KIF18B: variants seen among roughly 807,000 people sequenced by gnomAD.
KIF18B encodes kinesin-like protein KIF18B.
KIF18B carries 49 observed loss-of-function variants against 80.9 expected under a neutral mutation model. The ratio of observed to expected loss-of-function variants is 0.61; its 90% CI spans 0.48 to 0.77. The LOEUF is 0.77. Among genes scored for constraint, KIF18B ranks in the 30% least tolerant of loss-of-function variants. KIF18B has a pLI of 0.00. For missense variants in KIF18B, 994 were observed against 1,127.7 expected (o/e 0.88, Z 1.70); for synonymous variants, 439 against 463.9 (o/e 0.95, Z 0.69).
chr17:44,939,876 G>C (rs577718518), intron 1 of KIF18B, among the ~76,000 whole-genome samples: 1 of 152,130 alleles, frequency 6.6e-6, no homozygotes, highest in South Asian at 2.1e-4. Flanking sequence ...GCAGTGGCAC[G>C]ATCTTGGCTC....
intron 1 of KIF18B, among the ~76,000 whole-genome samples, chr17:44,938,934 C>T (rs2052362232): frequency 6.6e-6 from 1 of 151,830 alleles, no homozygotes; most frequent in South Asian, 2.1e-4. Flanking sequence ...GTCCCAGCTA[C>T]TTGGGAGGCT....
rs1041689444 is a variant in KIF18B at position 44,938,915 on chromosome 17, G to A, written c.-14-2557C>T. 1.1e-4 allele frequency among the ~76,000 whole-genome samples: 17 copies of A among 151,960 alleles called. No homozygotes were observed. The South Asian group carries it at 1.2e-3, about 11-fold the overall frequency. Reference sequence around the variant, plus strand: ...CAAAATTAGGCGGGTGTGGTGGCACGTGCCTGTAGTCCCAGCTACTTGGGA... The same window carrying A: ...CAAAATTAGGCGGGTGTGGTGGCACATGCCTGTAGTCCCAGCTACTTGGGA... On this transcript the variant is annotated intron_variant, in intron 1 of 15. Coordinates refer to ENST00000593135, the MANE Select transcript of KIF18B (RefSeq NM_001265577.2).
chr17:44,926,439 C>T lies in KIF18B; in HGVS notation c.2427G>A (p.Arg809=), dbSNP rs2052027336. 1 of 1,583,018 alleles carries T rather than the reference C, an allele frequency of 6.3e-7. No homozygotes were observed. Among genetic ancestry groups the T allele is most frequent in the Non-Finnish European group, 8.6e-7 (1 of 1,164,832 alleles). Residue 809 remains arginine (R), a synonymous_variant, in exon 15 of 16, where the codon AGG becomes AGA. Transcript: ENST00000593135. ...IARLPSSTLK[R]PAGPLVLPEL... ...CTGGGAGTACAAGGGGCCCAGCTGG[C>T]CTCTTCAAAGTGCTGCTGGGGAGGC...
At position 44,934,104 on chromosome 17, in the gene KIF18B, G is replaced by T. The variant is rs373632583; in HGVS notation, c.886-5C>A. 1.6e-5 allele frequency: 26 copies of T among 1,612,064 alleles called. No homozygotes were observed. The highest frequency in any genetic ancestry group is 3.3e-4 in the Middle Eastern group (2 of 6,062). On this transcript the variant is annotated splice_region_variant and splice_polypyrimidine_tract_variant and intron_variant, in intron 6 of 15. Transcript: ENST00000593135. The surrounding 1 kb of genome is among the most constrained non-coding windows in gnomAD (Gnocchi z 5.4). ...GGGCACATGGGTCTTGCGGCCCTGGGGGGCAGTAAGCAGGTGTGGGGTGAG... is the reference window on the plus strand; with the variant it reads ...GGGCACATGGGTCTTGCGGCCCTGGTGGGCAGTAAGCAGGTGTGGGGTGAG...
chr17:44,930,925 C>T (rs1469305233), intron 11 of KIF18B, among the ~76,000 whole-genome samples: 1 of 152,142 alleles, frequency 6.6e-6, no homozygotes, highest in Non-Finnish European at 1.5e-5. Context: ...AGACACTCCC[C>T]AACAAGAAAT....
chr17:44,928,255 G>C lies in KIF18B; in HGVS notation c.2047C>G (p.Pro683Ala), dbSNP rs749349815. ...GGGCAAACGCGAGGGGAATGGCAGG[G>C]GGAGGAGGCCCTTTCTCCTTTGGGG... is the stretch of plus-strand genomic sequence containing the variant. ...STPKGERASS[P>A]CHSPRVCPAT... Residue 683 changes from proline to alanine, a missense_variant, in exon 13 of 16, where the codon CCC becomes GCC. Transcript: ENST00000593135. 59 of 1,613,494 alleles carry C rather than the reference G, an allele frequency of 3.7e-5. No homozygotes were observed. The highest frequency in any genetic ancestry group is 1.3e-5 in the African/African-American group (1 of 74,936).
chr17:44,934,727 CACT>C lies in KIF18B; in HGVS notation c.576+101_576+103del, dbSNP rs764420371. On this transcript the variant is annotated intron_variant, in intron 4 of 15. Coordinates refer to ENST00000593135, the MANE Select transcript of KIF18B (RefSeq NM_001265577.2). The surrounding 1 kb of genome is among the most constrained non-coding windows in gnomAD (Gnocchi z 5.4). ...TACATCACCCCCTTGCTACCACCACCACTGCTACCACCATCACAGGACCCAGGG... is the reference window on the plus strand; with the variant it reads ...TACATCACCCCCTTGCTACCACCACCGCTACCACCATCACAGGACCCAGGG... 2 of 1,243,580 alleles carry C rather than the reference CACT, an allele frequency of 1.6e-6. No homozygotes were observed. Among genetic ancestry groups the C allele is most frequent in the Non-Finnish European group, 2.2e-6 (2 of 892,230 alleles). The allele number at this position is 1,243,580 out of a possible 1,614,324, so 77.0% of individuals were successfully genotyped here.
intron 2 of KIF18B, 28 bp from the exon 3 acceptor site, chr17:44,935,444 C>A: frequency 6.4e-7 from 1 of 1,563,174 alleles, no homozygotes. Flanking sequence ...AGGAGGAGGA[C>A]CCCAGTGCCT....
At position 44,936,269 on chromosome 17, in the gene KIF18B, G is replaced by A. The variant is rs1324331412; in HGVS notation, c.76C>T (p.Arg26Trp). The A allele has an allele frequency of 5.5e-5, 89 of 1,610,516 alleles. No homozygotes were observed. The highest frequency in any genetic ancestry group is 7.5e-5 in the Non-Finnish European group (88 of 1,179,102). The change falls in exon 2 of 16, where the codon CGG becomes TGG. Residue 26 changes from arginine to tryptophan, a missense_variant. Coordinates refer to ENST00000593135, the MANE Select transcript of KIF18B (RefSeq NM_001265577.2). Reference sequence around the variant, plus strand: ...TCCACCACCTGAACCACTGGCCGCCGCTGACTGTCCAGCTCCCGAGGGGTG... The same window carrying A: ...TCCACCACCTGAACCACTGGCCGCCACTGACTGTCCAGCTCCCGAGGGGTG... ...PPTPRELDSQ[R>W]RPVVQVVDER...
At chr17:44,938,079 G>A (rs1384911553) in intron 1 of KIF18B, among the ~76,000 whole-genome samples, 4 of 151,770 alleles carry the variant, frequency 2.6e-5, no homozygotes, top group Non-Finnish European at 5.9e-5. Flanking sequence ...GCAATGGTGC[G>A]ATCTCAGCTC....
chr17:44,929,139 C>G, intron 11 of KIF18B, 115 bp from the exon 12 acceptor site: 1 of 867,594 alleles, frequency 1.2e-6, no homozygotes, highest in Non-Finnish European at 1.8e-6. Context: ...CTGAACTGGT[C>G]CCCTGGCTCC....
Position 44,931,630 on chromosome 17 carries a change from G to A in KIF18B, c.1489C>T (p.Arg497Trp), listed in dbSNP as rs371610600. The A allele has an allele frequency of 5.1e-5, 83 of 1,613,976 alleles. No individual in the cohort carries two copies. Among genetic ancestry groups the A allele is most frequent in the Non-Finnish European group, 6.1e-5 (72 of 1,179,882 alleles). The change falls in exon 11 of 16, where the codon CGG (arginine) becomes TGG (tryptophan). Residue 497 changes from arginine (R) to tryptophan (W), a missense_variant. Transcript: ENST00000593135. The stretch of plus-strand genomic sequence containing the variant: ...TTAGAACGGTCCCCATCCAGTTCCC[G>A]TGCTGAGAAGTGGCCCACGACTGGC... ...PKPVVGHFSARELDGDRSKQL... is the reference protein window; with the variant it reads ...PKPVVGHFSAWELDGDRSKQL...
rs560803083 is a variant in KIF18B, at chr17:44,930,877, G to A, written c.1517+725C>T. 6.5e-4 allele frequency among the ~76,000 whole-genome samples: 99 copies of A among 152,232 alleles called. 1 individual carries two copies. Among genetic ancestry groups the A allele is most frequent in the African/African-American group, 2.3e-3 (97 of 41,528 alleles). Reference sequence around the variant, plus strand: ...AGCAGGAGACAGATAATGAGCTGCCGATTATTCAGACTGCAGCATTTTTGC... The same window carrying A: ...AGCAGGAGACAGATAATGAGCTGCCAATTATTCAGACTGCAGCATTTTTGC... On this transcript the variant is annotated intron_variant, in intron 11 of 15. Transcript: ENST00000593135.
chr17:44,927,010 C>T lies in KIF18B; in HGVS notation c.2345G>A (p.Cys782Tyr), dbSNP rs1266112231. The T allele has an allele frequency of 3.1e-6, 5 of 1,612,096 alleles. No individual in the cohort carries two copies. The highest frequency in any genetic ancestry group is 4.2e-6 in the Non-Finnish European group (5 of 1,179,184). ...PTSSLPGTSACKKKRVASSSV... is the reference protein window; with the variant it reads ...PTSSLPGTSAYKKKRVASSSV... ...TCACCTCGCAACGCGCTTCTTCTTG[C>T]AGGCAGAGGTCCCAGGGAGGGAAGA... Residue 782 changes from cysteine to tyrosine, a missense_variant, in exon 14 of 16, where the codon TGC (cysteine) becomes TAC (tyrosine). By Grantham distance (194) the Cys-to-Tyr change is radical. Coordinates refer to ENST00000593135, the MANE Select transcript of KIF18B (RefSeq NM_001265577.2). The surrounding 1 kb of genome is among the most constrained non-coding windows in gnomAD (Gnocchi z 4.1).
chr17:44,936,074 G>C lies in KIF18B; in HGVS notation c.271C>G (p.His91Asp), dbSNP rs1290940672. ...TQQDVFQHTT[H>D]SVLDSFLQGY... Reference sequence around the variant, plus strand: ...TGGAGGAAGCTGTCCAGGACGCTGTGCGTGGTGTGCTGGAACACGTCCTGT... The same window carrying C: ...TGGAGGAAGCTGTCCAGGACGCTGTCCGTGGTGTGCTGGAACACGTCCTGT... Residue 91 changes from histidine (H) to aspartate (D), a missense_variant, in exon 2 of 16, where the codon CAC becomes GAC. Coordinates refer to ENST00000593135, the MANE Select transcript of KIF18B (RefSeq NM_001265577.2). The C allele has an allele frequency of 6.2e-7, 1 of 1,613,808 alleles. No individual in the cohort carries two copies. The highest frequency in any genetic ancestry group is 1.1e-5 in the South Asian group (1 of 91,086).
chr17:44,936,614 ATATATATATATTTTTTT>A (rs1567796124), intron 1 of KIF18B, among the ~76,000 whole-genome samples: 46 of 79,112 alleles, frequency 5.8e-4, no homozygotes, highest in African/African-American at 2.2e-3. Flanking sequence ...ATATATATAT[ATATATATATATTTTTTT>A]TTTTTTTTTT....
At position 44,926,388 on chromosome 17, in the gene KIF18B, C is replaced by A. The variant is rs373883057; in HGVS notation, c.2452+26G>T. ...TCTTCATCGGCCTCCATGGCCCAGG[C>A]TATCCCTGTCCCTAGTGCCAGTCAC... On this transcript the variant is annotated intron_variant, in intron 15 of 15. Coordinates refer to ENST00000593135, the MANE Select transcript of KIF18B (RefSeq NM_001265577.2). 5 of 1,558,538 alleles carry A rather than the reference C, an allele frequency of 3.2e-6. No individual in the cohort carries two copies. The African/African-American group carries it at 6.8e-5, about 21-fold the overall frequency.
In KIF18B at chr17:44,939,366, C is replaced by CAAAAAAAAAA. The variant is rs781348504; in HGVS notation, c.-14-3018_-14-3009dup. Among the ~76,000 whole-genome samples the CAAAAAAAAAA allele has an allele frequency of 4.9e-3, 181 of 36,946 alleles. 8 individuals are homozygous for CAAAAAAAAAA. Among genetic ancestry groups the CAAAAAAAAAA allele is most frequent in the South Asian group, 0.02 (12 of 608 alleles). 24.2% of individuals were successfully genotyped at this position (36,946 alleles called of 152,430 possible). On this transcript the variant is annotated intron_variant, in intron 1 of 15. Transcript: ENST00000593135. ...AGCCTGGGTGACAGAGACTCCATCTCAAAAAAAAAAAAAAAAAAAAAAAAA... is the reference window on the plus strand; with the variant it reads ...AGCCTGGGTGACAGAGACTCCATCTCAAAAAAAAAAAAAAAAAAAAAAAAAAAAAAAAAAA...
intron 1 of KIF18B, among the ~76,000 whole-genome samples, chr17:44,945,415 G>T (rs2145754998): frequency 6.6e-6 from 1 of 152,130 alleles, no homozygotes; most frequent in East Asian, 1.9e-4. Flanking sequence ...TATTAAAGTT[G>T]GATATTTGCC....
Sources: gnomAD v4.1 joint callset for allele counts (sites outside exome capture counted in the v4.1 genomes callset) on GRCh38, gnomAD v4.1.1 for gene constraint, Gnocchi (gnomAD v3.1) non-coding constraint, MANE v1.5 for transcripts, NCBI Gene and HGNC (gene_info 2026-07-23, HGNC 2026-07-21) for gene names.